The following TTC23L variants were observed in gnomAD, a reference collection of about 807,000 sequenced individuals.
The protein encoded by TTC23L is tetratricopeptide repeat domain 23 like.
TTC23L carries 42 observed loss-of-function variants against 48.1 expected under a neutral mutation model. That is an observed-to-expected ratio of 0.87 (90% CI 0.68 to 1.13). The LOEUF is 1.13. Among genes scored for constraint, TTC23L ranks in the 50% most tolerant of loss-of-function variants. The probability of loss-of-function intolerance (pLI) is 0.00; values close to 1 mark genes in which losing one functional copy is unlikely to be tolerated. For synonymous variants in TTC23L, 159 were observed against 157.2 expected (o/e 1.01, Z -0.09); for missense variants, 391 against 421.0 (o/e 0.93, Z 0.62).
chr5:34,922,405 G>T, the TTC23L span: 1 of 899,526 alleles, frequency 1.1e-6, no homozygotes. Context: ...GCAAACTTTT[G>T]ATTTCACGAA....
At chr5:34,867,681 C>T (rs1167473542) in intron 7 of TTC23L, 1 of 153,478 alleles carries the variant, frequency 6.5e-6, no homozygotes, top group South Asian at 2.0e-4. Flanking sequence ...AAGGAGAATG[C>T]TGCCTGTGGC....
rs57798773 is a variant in TTC23L, at chr5:34,890,441, C to CAAA, written c.1078-6307_1078-6305dup. 3.5e-3 allele frequency among the ~76,000 whole-genome samples: 198 copies of CAAA among 56,510 alleles called. 6 individuals are homozygous for CAAA. Among genetic ancestry groups the CAAA allele is most frequent in the African/African-American group, 0.01 (122 of 11,988 alleles). The allele number at this position is 56,510 out of a possible 152,430, so 37.1% of individuals were successfully genotyped here. A position where few individuals can be genotyped will look rare whatever the true frequency, so the allele number is the denominator to read the frequency against. On this transcript the variant is annotated intron_variant, in intron 9 of 10. Transcript: ENST00000505624. ...TAGGTAACAGACTGAGACCCTGTCT[C>CAAA]AAAAAAAAAAAAAAAAAAAAAAAAG...
chr5:34,854,837 T>C (rs1759988478), intron 4 of TTC23L, among the ~76,000 whole-genome samples: 1 of 152,178 alleles, frequency 6.6e-6, no homozygotes, highest in Non-Finnish European at 1.5e-5. Context: ...TACAACTTAG[T>C]GTGGAAGGTG....
chr5:34,909,876 C>T, the TTC23L span, among the ~76,000 whole-genome samples: 1 of 152,178 alleles, frequency 6.6e-6, no homozygotes, highest in African/African-American at 2.4e-5. Flanking sequence ...ACTCCTGGAA[C>T]ATTTGCTGCA....
the TTC23L span, chr5:34,908,512 A>C: frequency 6.6e-6 from 2 of 304,092 alleles, no homozygotes; most frequent in East Asian, 1.1e-4. Flanking sequence ...AATTATTCCC[A>C]TGAGTTCAAA....
chr5:34,880,571 G>A (rs925383193), intron 9 of TTC23L: 2 of 458,726 alleles, frequency 4.4e-6, no homozygotes, highest in African/African-American at 2.0e-5. Flanking sequence ...AAGTATTTTA[G>A]AGGGACTCGA....
At chr5:34,920,372 C>T in the TTC23L span, 1 of 151,968 alleles carries the variant, frequency 6.6e-6, no homozygotes, top group Non-Finnish European at 1.5e-5. Flanking sequence ...TTTTTTTTAA[C>T]CTCTGGAAGC....
the TTC23L span, chr5:34,919,720 T>C: frequency 8.0e-6 from 3 of 373,818 alleles, no homozygotes; most frequent in East Asian, 1.2e-4. Context: ...AGTAATAAAA[T>C]CTCCTTTAAA....
the TTC23L span, chr5:34,919,969 A>C: frequency 1.7e-6 from 1 of 576,892 alleles, no homozygotes; most frequent in South Asian, 2.0e-5. Context: ...GTGACTTTAA[A>C]AATTATTTTG....
intron 3 of TTC23L, among the ~76,000 whole-genome samples, chr5:34,848,711 T>G (rs1275372506): frequency 6.6e-6 from 1 of 151,958 alleles, no homozygotes; most frequent in Non-Finnish European, 1.5e-5. Context: ...AGCCCTACAT[T>G]GGAAGTTAGC....
At chr5:34,850,410 T>C in intron 4 of TTC23L, 102 bp downstream of exon 4, 1 of 1,427,492 alleles carries the variant, frequency 7.0e-7, no homozygotes. Context: ...GGCCCCTTCT[T>C]GCCCCTAGCT....
At chr5:34,918,339 C>G in the TTC23L span, 3 of 1,212,046 alleles carry the variant, frequency 2.5e-6, no homozygotes, top group African/African-American at 3.0e-5. Flanking sequence ...ATTTTAAAAT[C>G]TTTTAACATT....
chr5:34,845,077 C>T (rs1180891710), intron 2 of TTC23L, among the ~76,000 whole-genome samples: 3 of 152,122 alleles, frequency 2.0e-5, no homozygotes, highest in African/African-American at 7.2e-5. Context: ...AAGAAGAAGC[C>T]CTGTCCTGGA....
chr5:34,850,690 T>G (rs1759602673), intron 4 of TTC23L, among the ~76,000 whole-genome samples: 2 of 152,076 alleles, frequency 1.3e-5, no homozygotes, highest in African/African-American at 4.8e-5. Flanking sequence ...ACACTCAGCA[T>G]CAGGGAGGCA....
chr5:34,887,821 TATC>T (rs2111756827), intron 9 of TTC23L, among the ~76,000 whole-genome samples: 1 of 152,354 alleles, frequency 6.6e-6, no homozygotes, highest in African/African-American at 2.4e-5. Flanking sequence ...TAATCAGTGA[TATC>T]ATTGAAGACA....
chr5:34,917,651 C>T, the TTC23L span, among the ~76,000 whole-genome samples: 2 of 151,878 alleles, frequency 1.3e-5, no homozygotes, highest in Admixed American at 1.3e-4. Context: ...AACAAACAAA[C>T]AAAAAAAGTA....
At chr5:34,848,808 T>C (rs1240588902) in intron 3 of TTC23L, among the ~76,000 whole-genome samples, 1 of 152,140 alleles carries the variant, frequency 6.6e-6, no homozygotes, top group East Asian at 1.9e-4. Flanking sequence ...CCAGAGGTGA[T>C]TGGCATTGGG....
intron 9 of TTC23L, among the ~76,000 whole-genome samples, chr5:34,888,992 T>G (rs1340389329): frequency 6.6e-6 from 1 of 152,200 alleles, no homozygotes; most frequent in Non-Finnish European, 1.5e-5. Flanking sequence ...CTCTTCAGAT[T>G]CTTTTTTTAA....
intron 8 of TTC23L, among the ~76,000 whole-genome samples, chr5:34,874,673 T>C (rs574654484): frequency 6.6e-6 from 1 of 151,982 alleles, no homozygotes; most frequent in South Asian, 2.1e-4. Context: ...CTGTGAGTTA[T>C]GATCACACCA....
Sources: allele counts gnomAD v4.1 joint callset (sites outside exome capture counted in the v4.1 genomes callset), GRCh38; gene constraint gnomAD v4.1.1; transcripts MANE v1.5; gene names NCBI Gene and HGNC (gene_info 2026-07-23, HGNC 2026-07-21).